Variants in TSPAN8 observed in about 807,000 individuals in gnomAD.
TSPAN8 encodes tetraspanin 8, also known as tetraspanin-8.
A neutral mutation model predicts 32.8 loss-of-function variants in TSPAN8; 21 were observed. The observed-to-expected ratio is 0.64, with a 90% CI of 0.45 to 0.92. The LOEUF (loss-of-function observed/expected upper bound fraction) is 0.92. TSPAN8 is among the 40% of genes least tolerant of loss of function. The pLI, the probability that TSPAN8 is intolerant of heterozygous loss-of-function variation, is 0.00. For missense variants in TSPAN8, 269 were observed against 281.9 expected (o/e 0.95, Z 0.33); for synonymous variants, 95 against 94.6 (o/e 1.00, Z -0.03).
intron 3 of TSPAN8, among the ~76,000 whole-genome samples, chr12:71,142,858 A>AAG (rs1555195671): frequency 6.6e-6 from 1 of 151,914 alleles, no homozygotes; most frequent in Non-Finnish European, 1.5e-5. Context: ...AAAAAAAAAA[A>AAG]AAACAGAGAT....
At chr12:71,142,533 C>T (rs567681235) in intron 3 of TSPAN8, among the ~76,000 whole-genome samples, 9 of 152,164 alleles carry the variant, frequency 5.9e-5, no homozygotes, top group Admixed American at 4.6e-4. Context: ...ATTATGAGTC[C>T]CAAAGTCAGA....
chr12:71,128,657 A>ATTTT (rs1260528581), intron 8 of TSPAN8, among the ~76,000 whole-genome samples: 1 of 138,870 alleles, frequency 7.2e-6, no homozygotes, highest in Non-Finnish European at 1.5e-5. Context: ...TTTTTTTTTA[A>ATTTT]AAAAAAAACA....
At chr12:71,155,110 C>T (rs4760909) in intron 2 of TSPAN8, among the ~76,000 whole-genome samples, 53,021 of 152,074 alleles carry the variant, frequency 0.35, 9,805 homozygotes, top group Non-Finnish European at 0.4. Context: ...TTTTATGCCA[C>T]TTAAAAAATA....
chr12:71,153,840 T>G (rs545172705), intron 2 of TSPAN8, among the ~76,000 whole-genome samples: 11 of 152,186 alleles, frequency 7.2e-5, no homozygotes, highest in Non-Finnish European at 1.5e-4. Context: ...ATTGTTGCTC[T>G]CACTGAAAGA....
At chr12:71,137,781 C>T (rs893529759) in intron 6 of TSPAN8, among the ~76,000 whole-genome samples, 172 bp downstream of exon 6, 6 of 152,084 alleles carry the variant, frequency 3.9e-5, no homozygotes, top group Admixed American at 1.3e-4. Context: ...TTGTATGAAG[C>T]GAGAAAGTAA....
chr12:71,139,145 A>G (rs967182636), intron 4 of TSPAN8: 6 of 456,092 alleles, frequency 1.3e-5, no homozygotes, highest in African/African-American at 4.0e-5. Flanking sequence ...TTTTACCACA[A>G]CCCACACTTG....
In TSPAN8 at chr12:71,129,037, C is replaced by A. The variant is rs760797866; in HGVS notation, c.660+294G>T. ...GCTAGTTTTCAGTGGGAAAAATATA[C>A]CTGGCACTAAGAACTATGTGAAAAT... On this transcript the variant is annotated intron_variant, in intron 8 of 8. Coordinates refer to ENST00000247829, the MANE Select transcript of TSPAN8 (RefSeq NM_004616.3). 2.2e-3 allele frequency among the ~76,000 whole-genome samples: 333 copies of A among 152,072 alleles called. 1 individual carries two copies. Among genetic ancestry groups the A allele is most frequent in the Non-Finnish European group, 2.4e-3 (165 of 68,002 alleles).
intron 8 of TSPAN8, among the ~76,000 whole-genome samples, chr12:71,128,234 A>T (rs1871403431): frequency 6.6e-6 from 1 of 152,216 alleles, no homozygotes; most frequent in Non-Finnish European, 1.5e-5. Context: ...ATTTGCTGCT[A>T]ATAGTCCCTA....
chr12:71,135,524 A>AGAAGGG (rs112780031), intron 6 of TSPAN8, among the ~76,000 whole-genome samples: 117,836 of 148,300 alleles, frequency 0.79, 47,192 homozygotes, highest in Non-Finnish European at 0.85. Flanking sequence ...GAGAAGGAGG[A>AGAAGGG]GAAGGGGAAG....
Position 71,125,237 on chromosome 12 carries a change from G to T in TSPAN8, c.*97C>A, listed in dbSNP as rs559960147. ...GCCGAGACATTTTAAAAAGACAGCT[G>T]CTCCTGACTTATATAGCACTTACAT... On this transcript the variant is annotated 3_prime_UTR_variant, in exon 9 of 9. Coordinates refer to ENST00000247829, the MANE Select transcript of TSPAN8 (RefSeq NM_004616.3). 4.0e-6 allele frequency: 4 copies of T among 1,005,980 alleles called. No homozygotes were observed. Among genetic ancestry groups the T allele is most frequent in the Non-Finnish European group, 6.0e-6 (4 of 668,476 alleles). 62.3% of individuals were successfully genotyped at this position (1,005,980 alleles called of 1,614,324 possible).
chr12:71,129,457 T>G, intron 7 of TSPAN8, 43 bp from the exon 8 acceptor site: 1 of 1,511,872 alleles, frequency 6.6e-7, no homozygotes, highest in Non-Finnish European at 8.9e-7. Flanking sequence ...CTCAGAAAAA[T>G]TCGACCTTAT....
At chr12:71,154,677 G>C (rs1872369195) in intron 2 of TSPAN8, among the ~76,000 whole-genome samples, 1 of 152,092 alleles carries the variant, frequency 6.6e-6, no homozygotes, top group South Asian at 2.1e-4. Context: ...AATAAAATAG[G>C]AGCCTTGCAT....
intron 2 of TSPAN8, among the ~76,000 whole-genome samples, chr12:71,152,553 T>G (rs913248243): frequency 6.6e-6 from 1 of 152,194 alleles, no homozygotes; most frequent in African/African-American, 2.4e-5. Context: ...TTTTTACAGA[T>G]GAGGACAAAT....
intron 7 of TSPAN8, among the ~76,000 whole-genome samples, chr12:71,131,195 A>C (rs1469916109): frequency 6.6e-6 from 1 of 152,164 alleles, no homozygotes; most frequent in Admixed American, 6.6e-5. Context: ...TTTCCTTGTA[A>C]ATACTGTGTC....
chr12:71,133,759 G>A (rs1871594262), intron 6 of TSPAN8, among the ~76,000 whole-genome samples: 3 of 152,156 alleles, frequency 2.0e-5, no homozygotes. Context: ...CCACATTTGA[G>A]GAAGAAAAAC....
In TSPAN8 at chr12:71,157,671, C is replaced by T. The variant is rs573227265; in HGVS notation, c.8G>A (p.Gly3Asp). ...AGAATATTTTATACAGGCACTCACA[C>T]CTGCCATTTCGGAAAAGGATTAGGA... MA[G>D]VSACIKYSMF... The change falls in exon 2 of 9, where the codon GGT (glycine) becomes GAT (aspartate). Residue 3 changes from glycine (G) to aspartate (D), a missense_variant. Transcript: ENST00000247829. The T allele has an allele frequency of 1.2e-5, 19 of 1,613,522 alleles. No individual in the cohort carries two copies. In the South Asian group the frequency reaches 2.0e-4, roughly 17 times the overall value.
intron 7 of TSPAN8, among the ~76,000 whole-genome samples, chr12:71,129,920 A>G (rs1341406440): frequency 3.3e-5 from 5 of 151,488 alleles, no homozygotes; most frequent in African/African-American, 1.2e-4. Flanking sequence ...TTTCATTTTT[A>G]AAACAAGGTA....
At chr12:71,151,057 G>A (rs868279460) in intron 2 of TSPAN8, among the ~76,000 whole-genome samples, 31 of 150,604 alleles carry the variant, frequency 2.1e-4, no homozygotes, top group Non-Finnish European at 4.4e-4. Flanking sequence ...TTGCATTCAC[G>A]TGCATCTTAT....
At chr12:71,155,022 T>G (rs528327671) in intron 2 of TSPAN8, among the ~76,000 whole-genome samples, 79 of 152,356 alleles carry the variant, frequency 5.2e-4, no homozygotes, top group African/African-American at 1.9e-3. Context: ...AAAGAAATAC[T>G]AACTTATCAC....
Sources: allele counts gnomAD v4.1 joint callset (sites outside exome capture counted in the v4.1 genomes callset), GRCh38; gene constraint gnomAD v4.1.1; transcripts MANE v1.5; gene names NCBI Gene and HGNC (gene_info 2026-07-23, HGNC 2026-07-21).